The following CABIN1 variants were observed in gnomAD, a reference collection of about 807,000 sequenced individuals.
The protein encoded by CABIN1 is calcineurin-binding protein cabin-1.
A neutral mutation model predicts 227.7 loss-of-function variants in CABIN1; 133 were observed. The ratio of observed to expected loss-of-function variants is 0.58; its 90% CI spans 0.51 to 0.67. The LOEUF (loss-of-function observed/expected upper bound fraction) is 0.67. Among genes scored for constraint, CABIN1 ranks in the 30% least tolerant of loss-of-function variants. The probability of loss-of-function intolerance (pLI) is 0.00; values close to 1 mark genes in which losing one functional copy is unlikely to be tolerated. For missense variants in CABIN1, 2,408 were observed against 2,852.5 expected, an observed-to-expected ratio of 0.84 and a Z score of 3.55; for synonymous variants, 1,086 against 1,155.1, an observed-to-expected ratio of 0.94 and a Z score of 1.21.
At chr22:24,072,750 T>C (rs1466069357) in intron 18 of CABIN1, among the ~76,000 whole-genome samples, 1 of 152,210 alleles carries the variant, frequency 6.6e-6, no homozygotes, top group Non-Finnish European at 1.5e-5. Flanking sequence ...TTGGTGCAGA[T>C]GGCAGCATGG....
chr22:24,121,374 A>T (rs571533663), intron 28 of CABIN1, among the ~76,000 whole-genome samples: 1 of 152,346 alleles, frequency 6.6e-6, no homozygotes, highest in East Asian at 1.9e-4. Flanking sequence ...AGGGCACAGC[A>T]GGTGACACAG....
intron 17 of CABIN1, among the ~76,000 whole-genome samples, chr22:24,071,841 C>G (rs1418057632): frequency 6.6e-6 from 1 of 152,162 alleles, no homozygotes; most frequent in African/African-American, 2.4e-5. Flanking sequence ...CTGGGCTACC[C>G]CCTGGGGTCC....
At chr22:24,121,949 A>T (rs1052106863) in intron 28 of CABIN1, among the ~76,000 whole-genome samples, 3 of 152,150 alleles carry the variant, frequency 2.0e-5, no homozygotes, top group African/African-American at 7.2e-5. Flanking sequence ...GTCGAGATGG[A>T]ATTTCGGGTA....
intron 29 of CABIN1, among the ~76,000 whole-genome samples, chr22:24,155,015 T>G (rs778925085): frequency 6.6e-6 from 1 of 151,622 alleles, no homozygotes; most frequent in Non-Finnish European, 1.5e-5. Context: ...GAGAAGCTCA[T>G]GGGGGCAAAG....
At chr22:24,176,620 G>A (rs539072432) in intron 35 of CABIN1, among the ~76,000 whole-genome samples, 12 of 152,308 alleles carry the variant, frequency 7.9e-5, no homozygotes, top group African/African-American at 2.6e-4. Context: ...AAGAGGAGTA[G>A]GCATGGACAG....
At chr22:24,159,481 A>C (rs1407383507) in intron 29 of CABIN1, among the ~76,000 whole-genome samples, 2 of 152,186 alleles carry the variant, frequency 1.3e-5, no homozygotes, top group East Asian at 3.9e-4. Flanking sequence ...CTCCCTTGTC[A>C]GGCCAGGTGC....
At chr22:24,114,622 G>A (rs920461343) in intron 27 of CABIN1, among the ~76,000 whole-genome samples, 9 of 152,168 alleles carry the variant, frequency 5.9e-5, no homozygotes, top group African/African-American at 2.2e-4. Context: ...TACCTCTCCG[G>A]GTGGGATGGA....
chr22:24,056,433 C>A (rs2038803890), intron 10 of CABIN1, 73 bp downstream of exon 10: 1 of 1,427,360 alleles, frequency 7.0e-7, no homozygotes, highest in South Asian at 1.1e-5. Context: ...TAACATTTCT[C>A]ATTCCATTGC....
chr22:24,058,719 A>G (rs2038978963), intron 10 of CABIN1, among the ~76,000 whole-genome samples: 1 of 152,174 alleles, frequency 6.6e-6, no homozygotes, highest in African/African-American at 2.4e-5. Flanking sequence ...CTTGTCCTGC[A>G]TCTTTGTATT....
chr22:24,160,893 C>T (rs2046114821), intron 29 of CABIN1, among the ~76,000 whole-genome samples: 1 of 152,254 alleles, frequency 6.6e-6, no homozygotes, highest in Non-Finnish European at 1.5e-5. Flanking sequence ...CATCCTACCA[C>T]CTCCACTTAA....
At chr22:24,120,789 G>T (rs370518426) in intron 28 of CABIN1, among the ~76,000 whole-genome samples, 4 of 152,162 alleles carry the variant, frequency 2.6e-5, no homozygotes, top group Non-Finnish European at 5.9e-5. Context: ...CTTCAGCCTG[G>T]GCAACAGAGC....
chr22:24,057,581 A>G (rs2038894856), intron 10 of CABIN1, among the ~76,000 whole-genome samples: 1 of 152,252 alleles, frequency 6.6e-6, no homozygotes, highest in African/African-American at 2.4e-5. Context: ...AACAGGAGTT[A>G]AACTATCTAG....
At chr22:24,043,307 CTTTTTTTTTTT>C (rs745547509) in intron 6 of CABIN1, among the ~76,000 whole-genome samples, 3 of 71,126 alleles carry the variant, frequency 4.2e-5, no homozygotes, top group Non-Finnish European at 5.4e-5. Context: ...AATGATTTTA[CTTTTTTTTTTT>C]TTTTTTTTTT....
intron 8 of CABIN1, among the ~76,000 whole-genome samples, chr22:24,054,303 T>A (rs1268540311): frequency 1.3e-5 from 2 of 151,812 alleles, no homozygotes; most frequent in Non-Finnish European, 2.9e-5. Flanking sequence ...GCACACAATA[T>A]AACACACCAC....
chr22:24,034,473 A>G (rs2036720984), intron 1 of CABIN1, among the ~76,000 whole-genome samples: 1 of 152,220 alleles, frequency 6.6e-6, no homozygotes, highest in Non-Finnish European at 1.5e-5. Context: ...ACCCCTTTAT[A>G]TGGACATACT....
chr22:24,033,127 G>A lies in CABIN1; in HGVS notation c.-74-2317G>A, dbSNP rs190675294. ...ACTGCAGTTTCCAAACTTTTGATTA[G>A]CAGTATTCTTTTTTTTCTAAATGTG... On this transcript the variant is annotated intron_variant, in intron 1 of 36. Coordinates refer to ENST00000263119, the MANE Select transcript of CABIN1 (RefSeq NM_012295.4). Among the ~76,000 whole-genome samples the A allele has an allele frequency of 3.1e-4, 47 of 152,254 alleles. No homozygotes were observed. In the East Asian group the frequency reaches 8.3e-3, roughly 27 times the overall value.
At chr22:24,103,024 C>T (rs1157316306) in intron 26 of CABIN1, 3 of 152,586 alleles carry the variant, frequency 2.0e-5, no homozygotes, top group Non-Finnish European at 4.4e-5. Context: ...CCTGACCACA[C>T]TCTGTTCTCC....
intron 34 of CABIN1, among the ~76,000 whole-genome samples, chr22:24,174,533 C>A (rs948590991): frequency 4.6e-5 from 7 of 152,148 alleles, no homozygotes; most frequent in African/African-American, 1.7e-4. Flanking sequence ...AGCTCCTGTC[C>A]CTCTGCCTGG....
intron 25 of CABIN1, among the ~76,000 whole-genome samples, chr22:24,097,251 CAT>C (rs1433458396): frequency 1.3e-5 from 2 of 152,142 alleles, no homozygotes; most frequent in African/African-American, 4.8e-5. Context: ...AGTATATAAA[CAT>C]GTAGACTAAA....
Sources: allele counts gnomAD v4.1 joint callset (sites outside exome capture counted in the v4.1 genomes callset), GRCh38; gene constraint gnomAD v4.1.1; transcripts MANE v1.5; gene names NCBI Gene and HGNC (gene_info 2026-07-23, HGNC 2026-07-21).